The following PCDH9 variants were observed in gnomAD, a reference collection of about 807,000 sequenced individuals.
PCDH9 encodes the protein protocadherin-9.
PCDH9 carries 24 observed loss-of-function variants against 70.6 expected under a neutral mutation model. The ratio of observed to expected loss-of-function variants is 0.34; its 90% CI spans 0.25 to 0.48. The LOEUF is 0.48. PCDH9 is among the 20% of genes least tolerant of loss of function. The probability of loss-of-function intolerance (pLI) is 0.99; values close to 1 mark genes in which losing one functional copy is unlikely to be tolerated. For missense variants in PCDH9, 1,281 were observed against 1,503.6 expected (o/e 0.85, Z 2.45); for synonymous variants, 562 against 558.5 (o/e 1.01, Z -0.09).
chr13:66,935,805 G>T (rs560624781), intron 2 of PCDH9, among the ~76,000 whole-genome samples: 1 of 152,084 alleles, frequency 6.6e-6, no homozygotes, highest in Non-Finnish European at 1.5e-5. Flanking sequence ...TTGCAGCCGG[G>T]CACCATGGCT....
At chr13:66,562,745 C>G (rs193188771) in intron 4 of PCDH9, among the ~76,000 whole-genome samples, 1 of 152,034 alleles carries the variant, frequency 6.6e-6, no homozygotes. Flanking sequence ...GGTATCAATG[C>G]CTGAGTGGTC....
intron 2 of PCDH9, chr13:67,216,573 G>A (rs941534838): frequency 1.3e-5 from 2 of 150,050 alleles, no homozygotes; most frequent in African/African-American, 4.9e-5. Context: ...AATAGCAAAG[G>A]AAAATATATT....
At chr13:66,783,024 A>T (rs1425086415) in intron 3 of PCDH9, among the ~76,000 whole-genome samples, 1 of 152,164 alleles carries the variant, frequency 6.6e-6, no homozygotes. Flanking sequence ...CTACAGCTAG[A>T]ATCACAGCAG....
rs765473909 is a variant in PCDH9 at position 66,541,460 on chromosome 13, C to T, written c.3340+89750G>A. On this transcript the variant is annotated intron_variant, in intron 4 of 4. Transcript: ENST00000377865. ...ATCAAGGTGTCAGCATGAAGATATT[C>T]GCTCTGAAGGCACTAGGAAAAAAAA... Among the ~76,000 whole-genome samples the T allele has an allele frequency of 5.3e-5, 8 of 152,202 alleles. 2 individuals carry two copies. In the South Asian group the frequency reaches 8.3e-4, roughly 16 times the overall value.
chr13:66,424,526 A>G (rs189776004), intron 4 of PCDH9, among the ~76,000 whole-genome samples: 61 of 152,112 alleles, frequency 4.0e-4, no homozygotes, highest in Non-Finnish European at 5.9e-4. Context: ...CATCATCTAT[A>G]TGTGCAAAAG....
intron 2 of PCDH9, among the ~76,000 whole-genome samples, chr13:67,179,715 T>A (rs1396761973): frequency 6.6e-6 from 1 of 152,102 alleles, no homozygotes; most frequent in East Asian, 1.9e-4. Flanking sequence ...ATTGTACAGA[T>A]TATCTGTAAA....
intron 4 of PCDH9, among the ~76,000 whole-genome samples, chr13:66,565,347 G>T (rs1357478634): frequency 6.6e-6 from 1 of 152,122 alleles, no homozygotes; most frequent in African/African-American, 2.4e-5. Flanking sequence ...GATAAACATT[G>T]TTCTTCCATT....
chr13:67,131,402 T>C (rs1392450473), intron 2 of PCDH9, among the ~76,000 whole-genome samples: 3 of 152,110 alleles, frequency 2.0e-5, no homozygotes, highest in African/African-American at 4.8e-5. Context: ...CAGAATTGAT[T>C]TGAAAGGAAA....
At chr13:67,153,978 G>A (rs779331147) in intron 2 of PCDH9, among the ~76,000 whole-genome samples, 6 of 152,190 alleles carry the variant, frequency 3.9e-5, no homozygotes, top group Non-Finnish European at 5.9e-5. Flanking sequence ...CACCTTGCTC[G>A]AGGCATATAT....
chr13:66,425,576 C>A (rs1239316271), intron 4 of PCDH9, among the ~76,000 whole-genome samples: 1 of 151,094 alleles, frequency 6.6e-6, no homozygotes, highest in Non-Finnish European at 1.5e-5. Context: ...AAAAAAATAC[C>A]TTTGACTGTG....
intron 4 of PCDH9, among the ~76,000 whole-genome samples, chr13:66,543,427 C>T (rs540062961): frequency 2.0e-5 from 3 of 152,078 alleles, no homozygotes; most frequent in South Asian, 4.2e-4. Flanking sequence ...ATTAGCCAGG[C>T]GTGGTGGCAC....
intron 3 of PCDH9, among the ~76,000 whole-genome samples, chr13:66,695,516 T>C (rs1026913369): frequency 3.3e-5 from 5 of 152,200 alleles, no homozygotes; most frequent in African/African-American, 1.2e-4. Flanking sequence ...AGTAAGTTGA[T>C]AGAAATTTTC....
intron 2 of PCDH9, among the ~76,000 whole-genome samples, chr13:67,013,819 C>T (rs1026272744): frequency 1.4e-4 from 22 of 151,808 alleles, no homozygotes; most frequent in African/African-American, 5.3e-4. Flanking sequence ...GACTATTGAC[C>T]TTAACTATGA....
chr13:66,597,022 C>A (rs2077112424), intron 4 of PCDH9, among the ~76,000 whole-genome samples: 1 of 151,436 alleles, frequency 6.6e-6, no homozygotes, highest in Admixed American at 6.6e-5. Context: ...GACTTAGTAT[C>A]ATTTTCTGAA....
intron 3 of PCDH9, among the ~76,000 whole-genome samples, chr13:66,889,380 GT>G (rs1344945445): frequency 6.6e-6 from 1 of 152,148 alleles, no homozygotes; most frequent in African/African-American, 2.4e-5. Context: ...ACTTCTATCT[GT>G]TTCATTCTTT....
At chr13:66,609,274 T>C (rs2077261543) in intron 4 of PCDH9, among the ~76,000 whole-genome samples, 1 of 152,072 alleles carries the variant, frequency 6.6e-6, no homozygotes, top group South Asian at 2.1e-4. Context: ...CCAAACAAAA[T>C]AGAAAATTGA....
At chr13:67,042,954 A>G (rs1389952388) in intron 2 of PCDH9, among the ~76,000 whole-genome samples, 1 of 152,212 alleles carries the variant, frequency 6.6e-6, no homozygotes, top group African/African-American at 2.4e-5. Context: ...ATACAAAACA[A>G]TAAATTAGAG....
chr13:66,820,929 G>A (rs141868959), intron 3 of PCDH9, among the ~76,000 whole-genome samples: 3 of 152,110 alleles, frequency 2.0e-5, no homozygotes, highest in African/African-American at 7.2e-5. Flanking sequence ...TCTGTACAAT[G>A]AACCTCCATG....
intron 4 of PCDH9, among the ~76,000 whole-genome samples, chr13:66,608,743 T>A (rs1461600886): frequency 6.6e-6 from 1 of 151,916 alleles, no homozygotes; most frequent in African/African-American, 2.4e-5. Flanking sequence ...GACCTCCGTA[T>A]CACCACAGGA....
Sources: allele counts gnomAD v4.1 joint callset (sites outside exome capture counted in the v4.1 genomes callset), GRCh38; gene constraint gnomAD v4.1.1; transcripts MANE v1.5; gene names NCBI Gene and HGNC (gene_info 2026-07-23, HGNC 2026-07-21).